MTM1: variants seen among roughly 807,000 people sequenced by gnomAD.
The protein encoded by MTM1 is myotubularin 1.
In MTM1, 9 loss-of-function variants were observed where a neutral mutation model predicts 52.1. The observed-to-expected ratio is 0.17, with a 90% confidence interval of 0.10 to 0.30. The LOEUF is 0.30. Among genes scored for constraint, MTM1 ranks in the 10% least tolerant of loss-of-function variants. The probability of loss-of-function intolerance (pLI) is 1.00; values close to 1 mark genes in which losing one functional copy is unlikely to be tolerated. For synonymous variants in MTM1, 136 were observed against 163.8 expected, an observed-to-expected ratio of 0.83 and a Z score of 1.29; for missense variants, 277 against 470.7, an observed-to-expected ratio of 0.59 and a Z score of 3.81.
At chrX:150,610,361 A>G (rs1418636752) in intron 4 of MTM1, among the ~76,000 whole-genome samples, 1 of 109,830 alleles carries the variant, frequency 9.1e-6, no homozygotes, top group African/African-American at 3.3e-5. Context: ...CCTAGGGCCC[A>G]GTAGAGTTTC....
chrX:150,583,375 T>A (rs1237478705), intron 1 of MTM1, among the ~76,000 whole-genome samples: 1 of 20,964 alleles, frequency 4.8e-5, no homozygotes, highest in Non-Finnish European at 6.1e-5. Context: ...ATTATATATA[T>A]TATATATAAT....
chrX:150,640,697 G>A (rs1421559951), intron 7 of MTM1, among the ~76,000 whole-genome samples: 3 of 111,402 alleles, frequency 2.7e-5, no homozygotes, highest in Non-Finnish European at 5.7e-5. Context: ...CATCGATTCC[G>A]AACAACTTGA....
rs188532821 is a variant in MTM1, at chrX:150,620,476, C to T, written c.444+1337C>T. 4.2e-3 allele frequency among the ~76,000 whole-genome samples: 471 copies of T among 112,044 alleles called. 4 individuals carry two copies. Among genetic ancestry groups the T allele is most frequent in the African/African-American group, 0.015 (454 of 30,857 alleles). ...TCCTCCAACCCATTCCAGTATGGAG[C>T]TCATTACTGGCCAAATCTAGTGGCT... On this transcript the variant is annotated intron_variant, in intron 6 of 14. Transcript: ENST00000370396.
At chrX:150,617,713 G>A (rs73620651) in intron 5 of MTM1, among the ~76,000 whole-genome samples, 2 of 111,555 alleles carry the variant, frequency 1.8e-5, no homozygotes, top group East Asian at 5.6e-4. Flanking sequence ...CTTGGGAAGC[G>A]TTAAGAGTGC....
chrX:150,575,761 A>G (rs1250223594), intron 1 of MTM1, among the ~76,000 whole-genome samples: 5 of 111,922 alleles, frequency 4.5e-5, no homozygotes, highest in Non-Finnish European at 7.5e-5. Context: ...GTGTAGGGGC[A>G]CTTCTAGTGT....
intron 11 of MTM1, 147 bp downstream of exon 11, chrX:150,658,174 G>A: frequency 4.0e-6 from 2 of 497,159 alleles, no homozygotes; most frequent in Non-Finnish European, 6.9e-6. Flanking sequence ...GATGCCTTGG[G>A]TAGTGAAAGT....
chrX:150,605,564 T>C (rs73250557), intron 4 of MTM1, among the ~76,000 whole-genome samples: 1 of 112,765 alleles, frequency 8.9e-6, no homozygotes, highest in Non-Finnish European at 1.9e-5. Flanking sequence ...TTGTTGATTC[T>C]CTATAAAGAT....
chrX:150,666,249 A>G (rs1003486601), intron 14 of MTM1, among the ~76,000 whole-genome samples: 4 of 112,214 alleles, frequency 3.6e-5, no homozygotes, highest in Non-Finnish European at 5.6e-5. Context: ...TTTGTATTCT[A>G]TCACAAATGG....
chrX:150,668,717 T>C (rs2040344454), intron 14 of MTM1, among the ~76,000 whole-genome samples: 1 of 109,335 alleles, frequency 9.1e-6, no homozygotes, highest in African/African-American at 3.3e-5. Flanking sequence ...CCCTGTCTCT[T>C]TAAAAAAAAA....
In MTM1 at chrX:150,645,820, T is replaced by C; in HGVS notation, c.816T>C (p.Ser272=). The change falls in exon 9 of 15, where the codon TCT becomes TCC. Residue 272 remains serine (S), a synonymous_variant. Transcript: ENST00000370396. The stretch of plus-strand genomic sequence containing the variant: ...TCAGGGAGACTAATAAACAAATTTC[T>C]AAACTCACCATTTATGATGCAAGAC... ...DVIRETNKQI[S]KLTIYDARPS... 1 of 1,211,316 alleles carries C rather than the reference T, an allele frequency of 8.3e-7. No homozygotes were observed. Among genetic ancestry groups the C allele is most frequent in the Non-Finnish European group, 1.1e-6 (1 of 895,089 alleles).
Position 150,658,975 on chromosome X carries a change from T to C in MTM1, c.1261-689T>C, listed in dbSNP as rs782072254. ...TTCAAGCGATTCTTCTGCCTCAGCC[T>C]CCCAAGTAGCTGGGATTACAGGCAT... On this transcript the variant is annotated intron_variant, in intron 11 of 14. Coordinates refer to ENST00000370396, the MANE Select transcript of MTM1 (RefSeq NM_000252.3). Among the ~76,000 whole-genome samples the C allele has an allele frequency of 1.5e-3, 167 of 112,015 alleles. 1 individual carries two copies. Among genetic ancestry groups the C allele is most frequent in the African/African-American group, 4.9e-3 (151 of 30,804 alleles).
chrX:150,587,203 G>A (rs1263471034), intron 1 of MTM1, among the ~76,000 whole-genome samples: 1 of 111,302 alleles, frequency 9.0e-6, no homozygotes, highest in Non-Finnish European at 1.9e-5. Context: ...TCTCAATGGT[G>A]GGGTTAATAG....
intron 2 of MTM1, among the ~76,000 whole-genome samples, chrX:150,594,483 A>G (rs73620631): frequency 0.098 from 10,932 of 111,510 alleles, 488 homozygotes; most frequent in Middle Eastern, 0.2. Flanking sequence ...TGGCCTTTTA[A>G]TTGTATTTAT....
intron 4 of MTM1, among the ~76,000 whole-genome samples, chrX:150,606,135 C>A (rs1253373995): frequency 9.0e-6 from 1 of 110,987 alleles, no homozygotes; most frequent in Non-Finnish European, 1.9e-5. Flanking sequence ...TAATAAAACA[C>A]CCTAGTCTGT....
At chrX:150,668,753 C>T (rs2040345518) in intron 14 of MTM1, among the ~76,000 whole-genome samples, 2 of 111,172 alleles carry the variant, frequency 1.8e-5, no homozygotes, top group Admixed American at 9.6e-5. Context: ...TAAACCGCAG[C>T]ATTCTTCATC....
At chrX:150,619,613 T>C (rs1387053236) in intron 6 of MTM1, among the ~76,000 whole-genome samples, 2 of 112,318 alleles carry the variant, frequency 1.8e-5, no homozygotes, top group African/African-American at 6.5e-5. Context: ...AACTTTTCCT[T>C]CCTCTTCACC....
intron 14 of MTM1, among the ~76,000 whole-genome samples, chrX:150,668,389 T>G (rs10521889): frequency 0.15 from 16,936 of 110,719 alleles, 1,438 homozygotes; most frequent in African/African-American, 0.33. Context: ...CTCCTGAACA[T>G]TAAAAATTGG....
At chrX:150,631,592 G>A (rs2039667729) in intron 6 of MTM1, among the ~76,000 whole-genome samples, 1 of 103,353 alleles carries the variant, frequency 9.7e-6, no homozygotes, top group South Asian at 4.5e-4. Context: ...GAACCTGGGA[G>A]GCAGAATTTG....
At chrX:150,617,293 C>T (rs781822588) in intron 5 of MTM1, among the ~76,000 whole-genome samples, 42 of 112,125 alleles carry the variant, frequency 3.7e-4, no homozygotes, top group Admixed American at 3.3e-3. Flanking sequence ...ATCTGACTTG[C>T]GGCTGTTAGG....
Sources: gnomAD v4.1 joint callset for allele counts (sites outside exome capture counted in the v4.1 genomes callset) on GRCh38, gnomAD v4.1.1 for gene constraint, MANE v1.5 for transcripts, NCBI Gene and HGNC (gene_info 2026-07-23, HGNC 2026-07-21) for gene names.